Variants in TNC observed in about 807,000 individuals in gnomAD.
TNC encodes the protein tenascin C, also known as tenascin.
Under a neutral mutation model 202.4 loss-of-function variants are expected in TNC, and 109 were observed. That is an observed-to-expected ratio of 0.54 (90% CI 0.46 to 0.63). TNC has a LOEUF of 0.63. Among genes scored for constraint, TNC ranks in the 30% least tolerant of loss-of-function variants. The pLI is 0.00. For synonymous variants in TNC, 1,007 were observed against 1,089.7 expected (o/e 0.92, Z 1.50); for missense variants, 2,756 against 2,833.3 (o/e 0.97, Z 0.62).
At chr9:115,060,952 C>A (rs1395638850) in intron 13 of TNC, among the ~76,000 whole-genome samples, 2 of 152,162 alleles carry the variant, frequency 1.3e-5, no homozygotes, top group African/African-American at 4.8e-5. Context: ...TGGTGCAGAA[C>A]AGAACCCACT....
chr9:115,092,224 G>A (rs926586861), intron 1 of TNC, among the ~76,000 whole-genome samples: 2 of 152,216 alleles, frequency 1.3e-5, no homozygotes. Flanking sequence ...ATGGGAAAGG[G>A]AGGGTAAAAT....
intron 15 of TNC, among the ~76,000 whole-genome samples, chr9:115,054,528 T>A (rs1831951229): frequency 6.6e-6 from 1 of 152,214 alleles, no homozygotes; most frequent in Non-Finnish European, 1.5e-5. Context: ...AGACAGACTA[T>A]CAATGCCAAC....
intron 17 of TNC, 36 bp downstream of exon 17, chr9:115,046,374 G>T: frequency 6.2e-7 from 1 of 1,606,810 alleles, no homozygotes; most frequent in Non-Finnish European, 8.5e-7. Flanking sequence ...CCTGAGTCAT[G>T]ACTTTTCTCT....
chr9:115,029,035 G>GAAA (rs71375266), intron 25 of TNC, among the ~76,000 whole-genome samples: 2 of 71,208 alleles, frequency 2.8e-5, no homozygotes, highest in African/African-American at 5.3e-5. Context: ...ATTATCTCTG[G>GAAA]AAAAAAAAAA....
At chr9:115,046,980 T>C (rs919593225) in intron 16 of TNC, among the ~76,000 whole-genome samples, 4 of 152,182 alleles carry the variant, frequency 2.6e-5, no homozygotes, top group African/African-American at 9.7e-5. Context: ...CCGTCCCACA[T>C]ATTATTAAAT....
Position 115,091,065 on chromosome 9 carries a change from G to A in TNC, c.-47C>T. The A allele has an allele frequency of 6.6e-7, 1 of 1,503,778 alleles. No homozygotes were observed. The highest frequency in any genetic ancestry group is 9.1e-7 in the Non-Finnish European group (1 of 1,098,166). 93.2% of individuals were successfully genotyped at this position (1,503,778 alleles called of 1,614,324 possible). On this transcript the variant is annotated 5_prime_UTR_variant, in exon 2 of 28. Coordinates refer to ENST00000350763, the MANE Select transcript of TNC (RefSeq NM_002160.4). Reference sequence around the variant, plus strand: ...GTGCTGCTGGGGCTCTAGGGCTCTAGGGTATCTCACTTTCAGCAGAATTGG... The same window carrying A: ...GTGCTGCTGGGGCTCTAGGGCTCTAAGGTATCTCACTTTCAGCAGAATTGG...
chr9:115,067,085 A>G (rs1299262819), intron 10 of TNC, among the ~76,000 whole-genome samples: 1 of 152,264 alleles, frequency 6.6e-6, no homozygotes, highest in East Asian at 1.9e-4. Context: ...ACTGCAAGTG[A>G]TGTATCTAGA....
chr9:115,062,067 T>G (rs1163252846), intron 13 of TNC, among the ~76,000 whole-genome samples: 4 of 152,084 alleles, frequency 2.6e-5, no homozygotes, highest in Non-Finnish European at 5.9e-5. Context: ...AGTAATAAGG[T>G]TTTTCTAGAA....
intron 25 of TNC, among the ~76,000 whole-genome samples, 191 bp downstream of exon 25, chr9:115,029,169 G>T (rs1829760673): frequency 6.6e-6 from 1 of 151,794 alleles, no homozygotes. Flanking sequence ...ATACTTTTTG[G>T]TTTACATTTT....
intron 5 of TNC, 100 bp from the exon 6 acceptor site, chr9:115,082,028 T>G: frequency 9.4e-6 from 11 of 1,174,870 alleles, no homozygotes; most frequent in Non-Finnish European, 1.2e-5. Context: ...CTGTTATTCT[T>G]TCATCGATTC....
In TNC at chr9:115,109,838, G is replaced by A. The variant is rs958786017; in HGVS notation, c.-137+8144C>T. The stretch of plus-strand genomic sequence containing the variant: ...ATACTTGCAAGCCAGTGGGTGAAGC[G>A]TGAAAACAACTTCAAGCTCTGGGCT... On this transcript the variant is annotated intron_variant, in intron 1 of 27. Transcript: ENST00000350763. Among the ~76,000 whole-genome samples, 17 of 152,330 alleles carry A rather than the reference G, an allele frequency of 1.1e-4. No individual in the cohort carries two copies. In the East Asian group the frequency reaches 2.5e-3, roughly 22 times the overall value.
chr9:115,067,672 T>G (rs923547793), intron 10 of TNC, among the ~76,000 whole-genome samples: 1 of 152,158 alleles, frequency 6.6e-6, no homozygotes, highest in African/African-American at 2.4e-5. Context: ...ATCGGATATT[T>G]AGTATGCCAC....
chr9:115,033,774 T>C (rs1032603783), intron 22 of TNC, among the ~76,000 whole-genome samples: 3 of 152,094 alleles, frequency 2.0e-5, no homozygotes, highest in African/African-American at 7.2e-5. Flanking sequence ...TCCATGAAGA[T>C]GAGGGGAATG....
Position 115,038,315 on chromosome 9 carries a change from G to A in TNC, c.5458C>T (p.Gln1820Ter), listed in dbSNP as rs1830483748. The A allele has an allele frequency of 6.2e-7, 1 of 1,614,030 alleles. No individual in the cohort carries two copies. The highest frequency in any genetic ancestry group is 8.5e-7 in the Non-Finnish European group (1 of 1,179,986). Residue 1820 changes from glutamine to a stop codon, truncating the protein, a stop_gained, in exon 20 of 28, where the codon CAG becomes TAG. Transcript: ENST00000350763. LOFTEE classifies it high-confidence loss of function. ...ITDSEALARWQPAIATVDSYV... is the reference protein window; with the variant it reads ...ITDSEALARW Reference sequence around the variant, plus strand: ...CTGTCCACAGTGGCAATGGCTGGCTGCCACCTGGCCAAGGCTTCTGAGTCA... The same window carrying A: ...CTGTCCACAGTGGCAATGGCTGGCTACCACCTGGCCAAGGCTTCTGAGTCA...
intron 1 of TNC, among the ~76,000 whole-genome samples, chr9:115,114,625 TG>T (rs1347028938): frequency 6.6e-6 from 1 of 152,196 alleles, no homozygotes; most frequent in Non-Finnish European, 1.5e-5. Flanking sequence ...CAATGCCAGC[TG>T]GGGGCTTCTC....
chr9:115,046,280 T>C (rs1352758671), intron 17 of TNC, 130 bp downstream of exon 17: 7 of 1,079,322 alleles, frequency 6.5e-6, no homozygotes, highest in Non-Finnish European at 9.5e-6. Flanking sequence ...TAACACAGTC[T>C]GTAATTGAAA....
chr9:115,054,916 T>A (rs1831988097), intron 15 of TNC, among the ~76,000 whole-genome samples: 1 of 152,154 alleles, frequency 6.6e-6, no homozygotes, highest in Non-Finnish European at 1.5e-5. Flanking sequence ...AAAAGAGTAG[T>A]CTTCAGACAA....
chr9:115,036,355 C>T (rs140618378), intron 20 of TNC, 114 bp from the exon 21 acceptor site: 133 of 1,216,076 alleles, frequency 1.1e-4, no homozygotes, highest in African/African-American at 4.2e-4. Flanking sequence ...AGTGACCCTG[C>T]GGAAAAGCAG....
In TNC at chr9:115,078,072, T is replaced by C. The variant is rs180925037; in HGVS notation, c.2545A>G (p.Ile849Val). The change falls in exon 7 of 28, where the codon ATC becomes GTC. Residue 849 changes from isoleucine (I) to valine (V), a missense_variant. Transcript: ENST00000350763. The part of the protein sequence containing the change: ...IKDVPGDRTT[I>V]DLTEDENQYS... Reference sequence around the variant, plus strand: ...TGGTTCTCGTCCTCTGTGAGATCGATGGTGGTACGGTCTCCTGGCACGTCT... The same window carrying C: ...TGGTTCTCGTCCTCTGTGAGATCGACGGTGGTACGGTCTCCTGGCACGTCT... The C allele has an allele frequency of 3.1e-6, 5 of 1,614,072 alleles. No individual in the cohort carries two copies. The Admixed American group carries it at 5.0e-5, about 16-fold the overall frequency.
Sources: allele counts gnomAD v4.1 joint callset (sites outside exome capture counted in the v4.1 genomes callset), GRCh38; gene constraint gnomAD v4.1.1; transcripts MANE v1.5; gene names NCBI Gene and HGNC (gene_info 2026-07-23, HGNC 2026-07-21).